Variants in CYSTM1 observed in about 807,000 individuals in gnomAD.
CYSTM1 encodes the protein cysteine rich transmembrane module containing 1, also known as cysteine-rich transmembrane module-containing protein 1.
A neutral mutation model predicts 13.1 loss-of-function variants in CYSTM1; 4 were observed. The ratio of observed to expected loss-of-function variants is 0.31; its 90% CI spans 0.15 to 0.70. The LOEUF (loss-of-function observed/expected upper bound fraction) is 0.70, where lower values mean the gene tolerates loss of function less well. CYSTM1 is among the 30% of genes least tolerant of loss of function. The pLI is 0.72. For synonymous variants in CYSTM1, 36 were observed against 42.7 expected, an observed-to-expected ratio of 0.84 and a Z score of 0.62; for missense variants, 96 against 121.6, an observed-to-expected ratio of 0.79 and a Z score of 0.99.
chr5:140,183,266 T>A (rs1763979652), intron 1 of CYSTM1, among the ~76,000 whole-genome samples: 1 of 152,126 alleles, frequency 6.6e-6, no homozygotes, highest in South Asian at 2.1e-4. Flanking sequence ...TTCTTCCCTT[T>A]TCTCTCTCTC....
At chr5:140,212,030 T>C (rs937563927) in intron 2 of CYSTM1, among the ~76,000 whole-genome samples, 2 of 152,214 alleles carry the variant, frequency 1.3e-5, no homozygotes, top group African/African-American at 4.8e-5. Context: ...AGATTTTATT[T>C]AGGTGCTTTG....
At chr5:140,178,222 C>G (rs1353803991) in intron 1 of CYSTM1, among the ~76,000 whole-genome samples, 1 of 152,082 alleles carries the variant, frequency 6.6e-6, no homozygotes, top group African/African-American at 2.4e-5. Flanking sequence ...GCAGGGCACT[C>G]CTTTCTTGGC....
At chr5:140,193,070 A>G (rs760587252) in intron 1 of CYSTM1, among the ~76,000 whole-genome samples, 1 of 152,238 alleles carries the variant, frequency 6.6e-6, no homozygotes, top group Non-Finnish European at 1.5e-5. Flanking sequence ...ATTGCCTGTT[A>G]TGGAAAAGAA....
At chr5:140,207,640 A>G (rs1673999837) in intron 2 of CYSTM1, among the ~76,000 whole-genome samples, 1 of 152,208 alleles carries the variant, frequency 6.6e-6, no homozygotes, top group African/African-American at 2.4e-5. Flanking sequence ...CCAGCATTCC[A>G]AAAAACTTAG....
rs530473689 is a variant in CYSTM1 at position 140,218,972 on chromosome 5, C to T, written c.187+24320C>T. Among the ~76,000 whole-genome samples, 3 of 152,324 alleles carry T rather than the reference C, an allele frequency of 2.0e-5. No homozygotes were observed. The East Asian group carries it at 5.8e-4, about 29-fold the overall frequency. On this transcript the variant is annotated intron_variant, in intron 2 of 2. Transcript: ENST00000261811. The stretch of plus-strand genomic sequence containing the variant: ...CAACCTTACTTAGTTTTCCACCTTA[C>T]AGTTTTCATGGCAAGAGGCTGGTCA...
intron 2 of CYSTM1, chr5:140,200,557 C>CTTTTTTTTTTTTTTTTTTT (rs57173526): frequency 7.6e-5 from 6 of 78,730 alleles, no homozygotes; most frequent in Admixed American, 3.4e-4. Flanking sequence ...TCCCCCCGGC[C>CTTTTTTTTTTTTTTTTTTT]TTTTTTTTTT....
chr5:140,210,970 A>G (rs1764360304), intron 2 of CYSTM1, among the ~76,000 whole-genome samples: 1 of 152,134 alleles, frequency 6.6e-6, no homozygotes, highest in Admixed American at 6.6e-5. Flanking sequence ...CTCTCTCCTG[A>G]CTGGACAGGC....
intron 1 of CYSTM1, among the ~76,000 whole-genome samples, chr5:140,187,160 T>C (rs1356404149): frequency 8.9e-6 from 1 of 112,472 alleles, no homozygotes; most frequent in East Asian, 2.8e-4. Context: ...AACACCTCAG[T>C]AATTCTAAAA....
chr5:140,194,072 C>G (rs1236513699), intron 1 of CYSTM1, among the ~76,000 whole-genome samples: 1 of 152,174 alleles, frequency 6.6e-6, no homozygotes, highest in South Asian at 2.1e-4. Context: ...GCTATCCAAT[C>G]ACATTTATGG....
intron 1 of CYSTM1, among the ~76,000 whole-genome samples, chr5:140,193,649 G>A (rs1250118093): frequency 6.6e-6 from 1 of 152,198 alleles, no homozygotes; most frequent in African/African-American, 2.4e-5. Context: ...GAAACAAGAC[G>A]CTGGCCCTGA....
intron 2 of CYSTM1, among the ~76,000 whole-genome samples, chr5:140,215,675 G>GAT (rs942419393): frequency 9.2e-5 from 14 of 152,068 alleles, no homozygotes; most frequent in African/African-American, 3.4e-4. Context: ...TAAATGTTGT[G>GAT]ATATAGCCCT....
rs1413977788 is a variant in CYSTM1 at position 140,188,094 on chromosome 5, C to G, written c.-20-6352C>G. On this transcript the variant is annotated intron_variant, in intron 1 of 2. Coordinates refer to ENST00000261811, the MANE Select transcript of CYSTM1 (RefSeq NM_032412.4). ...ACTTTTTTTTTTTTTTTTTTAGAGA[C>G]AGGGTCTTTCTTGTTCTGTTGCCCA... Among the ~76,000 whole-genome samples, 3 of 128,266 alleles carry G rather than the reference C, an allele frequency of 2.3e-5. No homozygotes were observed. In the Admixed American group the frequency reaches 2.5e-4, roughly 10 times the overall value. The allele number at this position is 128,266 out of a possible 152,430, so 84.1% of individuals were successfully genotyped here. A position where few individuals can be genotyped will look rare whatever the true frequency, so the allele number is the denominator to read the frequency against.
chr5:140,240,792 C>A (rs566711542), intron 2 of CYSTM1, among the ~76,000 whole-genome samples: 1 of 152,210 alleles, frequency 6.6e-6, no homozygotes, highest in East Asian at 1.9e-4. Context: ...GTTTCTCCTG[C>A]GCTAGTCATC....
intron 2 of CYSTM1, among the ~76,000 whole-genome samples, chr5:140,205,924 C>G (rs1764292472): frequency 6.6e-6 from 1 of 152,156 alleles, no homozygotes; most frequent in Admixed American, 6.5e-5. Context: ...TCCTCCTGCT[C>G]ATGCCCTCTG....
rs892976462 is a variant in CYSTM1, at chr5:140,196,009, A to G, written c.187+1357A>G. ...GCTGTGAGCCAAGGTCACACCATGC[A>G]CTCTAGCCTGGCGACAGTGAGACTC... On this transcript the variant is annotated intron_variant, in intron 2 of 2. Coordinates refer to ENST00000261811, the MANE Select transcript of CYSTM1 (RefSeq NM_032412.4). Among the ~76,000 whole-genome samples the G allele has an allele frequency of 5.3e-5, 7 of 133,306 alleles. No homozygotes were observed. In the South Asian group the frequency reaches 1.4e-3, roughly 26 times the overall value. 87.5% of individuals were successfully genotyped at this position (133,306 alleles called of 152,430 possible).
intron 2 of CYSTM1, among the ~76,000 whole-genome samples, chr5:140,231,086 C>T (rs1764612451): frequency 6.6e-6 from 1 of 152,160 alleles, no homozygotes; most frequent in Non-Finnish European, 1.5e-5. Context: ...TGTCTTCCCA[C>T]CATGAACAAG....
chr5:140,179,464 G>A (rs946446614), intron 1 of CYSTM1, among the ~76,000 whole-genome samples: 1 of 151,474 alleles, frequency 6.6e-6, no homozygotes, highest in African/African-American at 2.4e-5. Context: ...GGAGGCTGAG[G>A]CACAAGAATT....
chr5:140,196,038 C>T (rs984728173), intron 2 of CYSTM1, among the ~76,000 whole-genome samples: 16 of 148,990 alleles, frequency 1.1e-4, no homozygotes, highest in African/African-American at 3.7e-4. Context: ...GAGACTCCAT[C>T]TCAAAAAAAA....
chr5:140,233,454 A>G (rs1309135615), intron 2 of CYSTM1, among the ~76,000 whole-genome samples: 1 of 152,172 alleles, frequency 6.6e-6, no homozygotes, highest in East Asian at 1.9e-4. Context: ...ATCTGCTATA[A>G]ACATTGACGT....
Sources: allele counts gnomAD v4.1 joint callset (sites outside exome capture counted in the v4.1 genomes callset), GRCh38; gene constraint gnomAD v4.1.1; transcripts MANE v1.5; gene names NCBI Gene and HGNC (gene_info 2026-07-23, HGNC 2026-07-21).